Variants in PGM5 observed in about 807,000 individuals in gnomAD.
PGM5 encodes the protein phosphoglucomutase 5, also known as phosphoglucomutase-like protein 5.
Under a neutral mutation model 59.2 loss-of-function variants are expected in PGM5, and 23 were observed. That is an observed-to-expected ratio of 0.39 (90% CI 0.28 to 0.55). The LOEUF is 0.55. PGM5 is among the 20% of genes least tolerant of loss of function. The probability of loss-of-function intolerance (pLI) is 0.66; values close to 1 mark genes in which losing one functional copy is unlikely to be tolerated. For synonymous variants in PGM5, 214 were observed against 286.0 expected, an observed-to-expected ratio of 0.75 and a Z score of 2.54; for missense variants, 574 against 748.3, an observed-to-expected ratio of 0.77 and a Z score of 2.72.
chr9:68,486,433 C>T (rs11142633), intron 9 of PGM5, among the ~76,000 whole-genome samples: 10,180 of 151,390 alleles, frequency 0.067, 509 homozygotes, highest in African/African-American at 0.14. Flanking sequence ...TCATCTTCCT[C>T]CCAACATCCC....
chr9:68,466,412 G>T, intron 7 of PGM5: 2 of 200,998 alleles, frequency 1.0e-5, no homozygotes, highest in South Asian at 7.9e-5. Flanking sequence ...TAAACACCCT[G>T]TCTGATAGTT....
chr9:68,382,218 G>A (rs2778524), intron 2 of PGM5, among the ~76,000 whole-genome samples: 1 of 150,952 alleles, frequency 6.6e-6, no homozygotes, highest in African/African-American at 2.4e-5. Context: ...ATAAATCAAG[G>A]CATATATAGT....
At chr9:68,462,729 G>A (rs10114239) in intron 6 of PGM5, among the ~76,000 whole-genome samples, 4 of 151,828 alleles carry the variant, frequency 2.6e-5, no homozygotes, top group Non-Finnish European at 4.4e-5. Context: ...CCCATGTTGC[G>A]CATTTTATTT....
chr9:68,450,711 A>C (rs1461498097), intron 6 of PGM5, among the ~76,000 whole-genome samples: 1 of 152,216 alleles, frequency 6.6e-6, no homozygotes, highest in Non-Finnish European at 1.5e-5. Context: ...AATATGTTAT[A>C]AGTGAAGGAT....
At chr9:68,494,293 C>T (rs1335322200) in intron 9 of PGM5, among the ~76,000 whole-genome samples, 14 of 152,082 alleles carry the variant, frequency 9.2e-5, no homozygotes, top group African/African-American at 3.4e-4. Context: ...CAGGGGGAAG[C>T]TTTCAGGATT....
chr9:68,383,394 G>A (rs1822127563), intron 2 of PGM5, among the ~76,000 whole-genome samples: 1 of 151,952 alleles, frequency 6.6e-6, no homozygotes, highest in Non-Finnish European at 1.5e-5. Context: ...AATTATTAAT[G>A]CAATCGATTG....
At chr9:68,448,811 G>A (rs562654953) in intron 6 of PGM5, among the ~76,000 whole-genome samples, 1 of 152,324 alleles carries the variant, frequency 6.6e-6, no homozygotes, top group East Asian at 1.9e-4. Context: ...ACAGCATAGT[G>A]TGAAAGGTGT....
chr9:68,370,905 G>A (rs1262479498), intron 1 of PGM5, among the ~76,000 whole-genome samples: 1 of 152,174 alleles, frequency 6.6e-6, no homozygotes, highest in Non-Finnish European at 1.5e-5. Flanking sequence ...GTCATGGCTA[G>A]GTAGGAACAA....
At chr9:68,457,703 C>A (rs1554685028) in intron 6 of PGM5, among the ~76,000 whole-genome samples, 1 of 152,108 alleles carries the variant, frequency 6.6e-6, no homozygotes, top group Admixed American at 6.5e-5. Flanking sequence ...TACAGAAATG[C>A]TTTATCTCCT....
In PGM5 at chr9:68,418,645, G is replaced by A. The variant is rs189397678; in HGVS notation, c.1043+26172G>A. ...GCTGCGGCCTGCTGTTTGGCAGGAC[G>A]ACTTGACTGGCTGCGCTGTGGTTTC... is the stretch of plus-strand genomic sequence containing the variant. On this transcript the variant is annotated intron_variant, in intron 6 of 10. Coordinates refer to ENST00000396396, the MANE Select transcript of PGM5 (RefSeq NM_021965.4). 2.0e-3 allele frequency among the ~76,000 whole-genome samples: 297 copies of A among 151,530 alleles called. 1 individual carries two copies. Among genetic ancestry groups the A allele is most frequent in the African/African-American group, 6.7e-3 (276 of 40,936 alleles).
intron 6 of PGM5, among the ~76,000 whole-genome samples, chr9:68,446,487 ATTTC>A (rs1823614138): frequency 6.6e-6 from 1 of 152,200 alleles, no homozygotes; most frequent in African/African-American, 2.4e-5. Flanking sequence ...CTGATCCCCT[ATTTC>A]TTTCTGTGTT....
intron 7 of PGM5, among the ~76,000 whole-genome samples, chr9:68,467,241 T>C (rs75194915): frequency 0.13 from 19,820 of 152,182 alleles, 2,417 homozygotes; most frequent in East Asian, 0.37. Flanking sequence ...TTTAAAGTAA[T>C]GTAAAGGCCT....
chr9:68,470,001 G>A (rs551128898), intron 7 of PGM5, among the ~76,000 whole-genome samples: 67 of 152,280 alleles, frequency 4.4e-4, no homozygotes, highest in South Asian at 8.3e-4. Flanking sequence ...TTTGGAAAGG[G>A]ATGGGGAGAG....
intron 6 of PGM5, among the ~76,000 whole-genome samples, chr9:68,393,611 A>G (rs1467946004): frequency 6.6e-6 from 1 of 152,124 alleles, no homozygotes; most frequent in African/African-American, 2.4e-5. Flanking sequence ...AACCAGGTGT[A>G]GTGGCATGTT....
intron 10 of PGM5, among the ~76,000 whole-genome samples, chr9:68,521,758 G>A (rs913817444): frequency 1.3e-5 from 2 of 152,146 alleles, no homozygotes; most frequent in African/African-American, 4.8e-5. Flanking sequence ...GAGGAACAGG[G>A]AAACCATGGC....
chr9:68,522,632 T>C (rs769918445), intron 10 of PGM5, among the ~76,000 whole-genome samples: 1 of 152,224 alleles, frequency 6.6e-6, no homozygotes, highest in Non-Finnish European at 1.5e-5. Flanking sequence ...TTTGAGTGTT[T>C]ATCTTATTAA....
chr9:68,360,241 A>G (rs1167241311), intron 1 of PGM5, among the ~76,000 whole-genome samples: 1 of 152,080 alleles, frequency 6.6e-6, no homozygotes, highest in East Asian at 1.9e-4. Context: ...TTATATTTTA[A>G]TATCTCATAA....
At chr9:68,475,636 C>T (rs1044051804) in intron 7 of PGM5, among the ~76,000 whole-genome samples, 37 of 152,144 alleles carry the variant, frequency 2.4e-4, no homozygotes, top group African/African-American at 8.4e-4. Flanking sequence ...CACTAAAAGC[C>T]ACTAGGCAAT....
intron 6 of PGM5, among the ~76,000 whole-genome samples, chr9:68,395,344 C>T (rs1397010144): frequency 3.3e-5 from 5 of 152,056 alleles, no homozygotes; most frequent in Admixed American, 1.3e-4. Flanking sequence ...TTTGTTGATT[C>T]GTATGTAAAT....
Sources: allele counts gnomAD v4.1 joint callset (sites outside exome capture counted in the v4.1 genomes callset), GRCh38; gene constraint gnomAD v4.1.1; transcripts MANE v1.5; gene names NCBI Gene and HGNC (gene_info 2026-07-23, HGNC 2026-07-21).